Variants in SLC22A23 observed in about 807,000 individuals in gnomAD.
SLC22A23 encodes the protein solute carrier family 22 member 23.
Under a neutral mutation model 61.0 loss-of-function variants are expected in SLC22A23, and 26 were observed. The ratio of observed to expected loss-of-function variants is 0.43; its 90% confidence interval spans 0.31 to 0.59. The LOEUF is 0.59. Ranked by LOEUF, SLC22A23 falls within the 20% of genes least tolerant of loss-of-function variation. The pLI, the probability that SLC22A23 is intolerant of heterozygous loss-of-function variation, is 0.11. For synonymous variants in SLC22A23, 430 were observed against 413.9 expected, an observed-to-expected ratio of 1.04 and a Z score of -0.47; for missense variants, 796 against 934.7, an observed-to-expected ratio of 0.85 and a Z score of 1.94.
At chr6:3,452,141 T>C (rs1409970508) in intron 1 of SLC22A23, among the ~76,000 whole-genome samples, 1 of 152,182 alleles carries the variant, frequency 6.6e-6, no homozygotes, top group Admixed American at 6.5e-5. Flanking sequence ...GTTAGGTGTA[T>C]TAAATGTATT....
At chr6:3,419,474 T>C (rs1167322041) in intron 1 of SLC22A23, among the ~76,000 whole-genome samples, 2 of 152,212 alleles carry the variant, frequency 1.3e-5, no homozygotes, top group African/African-American at 2.4e-5. Flanking sequence ...AAAATAACTT[T>C]CTGTGTGCAA....
intron 9 of SLC22A23, among the ~76,000 whole-genome samples, chr6:3,275,792 C>T (rs776308214): frequency 1.3e-5 from 2 of 152,222 alleles, no homozygotes; most frequent in African/African-American, 2.4e-5. Flanking sequence ...CTGTGTTAGC[C>T]AGGGTGGTCT....
rs1761262984 is a variant in SLC22A23 at position 3,297,984 on chromosome 6, A to G, written c.1210+107T>C. 7.5e-7 allele frequency: 1 copy of G among 1,325,472 alleles called. No individual in the cohort carries two copies. Among genetic ancestry groups the G allele is most frequent in the Non-Finnish European group, 9.9e-7 (1 of 1,010,826 alleles). 82.1% of individuals were successfully genotyped at this position (1,325,472 alleles called of 1,614,324 possible). A position where few individuals can be genotyped will look rare whatever the true frequency, so the allele number is the denominator to read the frequency against. ...GTGCAGGCCAAAAGGTCACAGGAGA[A>G]TTGCACAGCTGGTTAAAACAGCTGT... On this transcript the variant is annotated intron_variant, in intron 5 of 9. Coordinates refer to ENST00000406686, the MANE Select transcript of SLC22A23 (RefSeq NM_015482.2). This position sits in a 1 kb window ranked among gnomAD's most constrained non-coding sequence, Gnocchi z 4.3.
intron 3 of SLC22A23, among the ~76,000 whole-genome samples, chr6:3,406,775 C>A (rs1192647771): frequency 6.6e-6 from 1 of 152,076 alleles, no homozygotes; most frequent in African/African-American, 2.4e-5. Flanking sequence ...ACTAATTACA[C>A]AACCACATCT....
chr6:3,279,314 C>T (rs1176037395), intron 9 of SLC22A23, among the ~76,000 whole-genome samples: 5 of 150,774 alleles, frequency 3.3e-5, no homozygotes, highest in Non-Finnish European at 7.4e-5. Flanking sequence ...AGATCGAGAC[C>T]ACTGTGGCCA....
intron 9 of SLC22A23, among the ~76,000 whole-genome samples, chr6:3,278,319 G>GA (rs1759099846): frequency 6.6e-6 from 1 of 152,140 alleles, no homozygotes; most frequent in South Asian, 2.1e-4. Flanking sequence ...GGGAGAGGCT[G>GA]AAAGAGTTGC....
chr6:3,358,330 T>C (rs1397080859), intron 3 of SLC22A23, among the ~76,000 whole-genome samples: 1 of 151,934 alleles, frequency 6.6e-6, no homozygotes, highest in Non-Finnish European at 1.5e-5. Flanking sequence ...AACGCAGAGG[T>C]CCACTGATAG....
At chr6:3,290,469 C>A (rs199968963) in intron 5 of SLC22A23, 1,621 of 158,290 alleles carry the variant, frequency 0.01, 34 homozygotes, top group African/African-American at 0.038. Flanking sequence ...ATACACCATA[C>A]ATGCACACAT....
intron 3 of SLC22A23, among the ~76,000 whole-genome samples, chr6:3,357,071 A>C (rs991558090): frequency 2.6e-5 from 4 of 151,254 alleles, no homozygotes; most frequent in Admixed American, 1.3e-4. Context: ...AAAAAAAAAA[A>C]AAAAAAAAAA....
chr6:3,367,418 G>C (rs1006583403), intron 3 of SLC22A23, among the ~76,000 whole-genome samples: 3 of 152,236 alleles, frequency 2.0e-5, no homozygotes, highest in African/African-American at 7.2e-5. Flanking sequence ...TTGGGCGTTA[G>C]CAAGCTGGCT....
rs1313592930 is a variant in SLC22A23, at chr6:3,318,047, G to C, written c.1082+5787C>G. Among the ~76,000 whole-genome samples the C allele has an allele frequency of 6.6e-6, 1 of 152,086 alleles. No individual in the cohort carries two copies. The highest frequency in any genetic ancestry group is 1.9e-4 in the East Asian group (1 of 5,188). On this transcript the variant is annotated intron_variant, in intron 4 of 9. Coordinates refer to ENST00000406686, the MANE Select transcript of SLC22A23 (RefSeq NM_015482.2). The surrounding 1 kb of genome is among the most constrained non-coding windows in gnomAD (Gnocchi z 4.3). ...ATCACCAGAGACTCCTGTGCTCACTGCACCCCCTGCCAAGTCCCTGTCCAG... is the reference window on the plus strand; with the variant it reads ...ATCACCAGAGACTCCTGTGCTCACTCCACCCCCTGCCAAGTCCCTGTCCAG...
In SLC22A23 at chr6:3,328,754, C is replaced by T. The variant is rs927326219; in HGVS notation, c.914-4752G>A. Among the ~76,000 whole-genome samples, 1 of 152,088 alleles carries T rather than the reference C, an allele frequency of 6.6e-6. No homozygotes were observed. Among genetic ancestry groups the T allele is most frequent in the African/African-American group, 2.4e-5 (1 of 41,406 alleles). ...TGGCCACCCCTCACAGTCGTGTGGGCCAATTCCTCGCAGAAAATCTCTAAA... is the reference window on the plus strand; with the variant it reads ...TGGCCACCCCTCACAGTCGTGTGGGTCAATTCCTCGCAGAAAATCTCTAAA... On this transcript the variant is annotated intron_variant, in intron 3 of 9. Coordinates refer to ENST00000406686, the MANE Select transcript of SLC22A23 (RefSeq NM_015482.2). This position sits in a 1 kb window ranked among gnomAD's most constrained non-coding sequence, Gnocchi z 5.0.
intron 5 of SLC22A23, among the ~76,000 whole-genome samples, chr6:3,295,004 C>T (rs1760946770): frequency 6.6e-6 from 1 of 152,196 alleles, no homozygotes; most frequent in South Asian, 2.1e-4. Context: ...AACCGCAATC[C>T]TAACCCTTCC....
intron 4 of SLC22A23, chr6:3,311,539 A>C (rs1762368065): frequency 6.6e-6 from 1 of 152,190 alleles, no homozygotes; most frequent in African/African-American, 2.4e-5. Flanking sequence ...TTTAAACGTT[A>C]GTTCTGTTTG....
intron 3 of SLC22A23, among the ~76,000 whole-genome samples, chr6:3,393,553 C>T (rs1767805170): frequency 6.6e-6 from 1 of 152,154 alleles, no homozygotes; most frequent in African/African-American, 2.4e-5. Flanking sequence ...CTCTAAGTTC[C>T]TCTTTGAAAC....
Position 3,317,490 on chromosome 6 carries a change from T to C in SLC22A23, c.1082+6344A>G, listed in dbSNP as rs1279547020. On this transcript the variant is annotated intron_variant, in intron 4 of 9. Transcript: ENST00000406686. The surrounding 1 kb of genome is among the most constrained non-coding windows in gnomAD (Gnocchi z 4.4). The stretch of plus-strand genomic sequence containing the variant: ...GCTCCTAGATACTCCCTTCTTCTTG[T>C]GGTTTGGATCTTGCATCTTCCCCGC... Among the ~76,000 whole-genome samples the C allele has an allele frequency of 2.0e-5, 3 of 152,124 alleles. No individual in the cohort carries two copies. The highest frequency in any genetic ancestry group is 2.1e-4 in the South Asian group (1 of 4,828).
intron 1 of SLC22A23, among the ~76,000 whole-genome samples, chr6:3,453,002 G>C (rs969463799): frequency 2.0e-5 from 3 of 152,186 alleles, no homozygotes; most frequent in African/African-American, 4.8e-5. Flanking sequence ...GTCATGTCTA[G>C]TTTAAGCCTA....
intron 1 of SLC22A23, chr6:3,432,117 C>T (rs1770905590): frequency 5.2e-6 from 4 of 775,230 alleles, no homozygotes; most frequent in Non-Finnish European, 3.1e-6. Flanking sequence ...TTCCAGGGGG[C>T]TGAGTAATCC....
intron 1 of SLC22A23, among the ~76,000 whole-genome samples, chr6:3,431,120 G>T (rs1410560596): frequency 6.6e-6 from 1 of 152,008 alleles, no homozygotes; most frequent in Non-Finnish European, 1.5e-5. Context: ...CATGTGTGAG[G>T]GTTTAAAAAT....
Sources: gnomAD v4.1 joint callset for allele counts (sites outside exome capture counted in the v4.1 genomes callset) on GRCh38, gnomAD v4.1.1 for gene constraint, Gnocchi (gnomAD v3.1) non-coding constraint, MANE v1.5 for transcripts, NCBI Gene and HGNC (gene_info 2026-07-23, HGNC 2026-07-21) for gene names.